Variants in FHIT observed in about 807,000 individuals in gnomAD.
The protein encoded by FHIT is bis(5'-adenosyl)-triphosphatase.
FHIT carries 19 observed loss-of-function variants against 17.9 expected under a neutral mutation model. The ratio of observed to expected loss-of-function variants is 1.06; its 90% CI spans 0.74 to 1.56. The LOEUF is 1.56. Ranked by LOEUF, FHIT falls within the 40% of genes most tolerant of loss-of-function variation. FHIT has a pLI of 0.00. For synonymous variants in FHIT, 81 were observed against 69.7 expected (o/e 1.16, Z -0.81); for missense variants, 248 against 189.2 (o/e 1.31, Z -1.82).
chr3:61,146,147 A>G (rs753839211), intron 2 of FHIT, among the ~76,000 whole-genome samples: 1 of 152,022 alleles, frequency 6.6e-6, no homozygotes, highest in Non-Finnish European at 1.5e-5. Flanking sequence ...AATCCTTTCT[A>G]TTTCTAGTGG....
intron 3 of FHIT, among the ~76,000 whole-genome samples, chr3:60,822,595 T>G (rs1701965934): frequency 6.6e-6 from 1 of 152,230 alleles, no homozygotes; most frequent in African/African-American, 2.4e-5. Context: ...TTCTGTATCC[T>G]ATGTAGCTGC....
intron 4 of FHIT, among the ~76,000 whole-genome samples, chr3:60,759,807 T>C (rs1328731418): frequency 6.6e-6 from 1 of 152,144 alleles, no homozygotes; most frequent in Admixed American, 6.5e-5. Context: ...GGGATGAAAG[T>C]GGGATGGAGA....
At chr3:60,372,319 C>G (rs1258641750) in intron 5 of FHIT, among the ~76,000 whole-genome samples, 1 of 152,174 alleles carries the variant, frequency 6.6e-6, no homozygotes, top group Admixed American at 6.5e-5. Flanking sequence ...CACCACCACC[C>G]TCTTTTCTTT....
intron 5 of FHIT, among the ~76,000 whole-genome samples, chr3:60,116,024 T>C (rs1704942093): frequency 6.6e-6 from 1 of 152,194 alleles, no homozygotes; most frequent in South Asian, 2.1e-4. Context: ...CTTTAATAAA[T>C]TGGAAGTGTA....
rs539422188 is a variant in FHIT, at chr3:60,925,999, A to G, written c.-110-103988T>C. ...GGTAAAGGGATCAATTCAACAAGAA[A>G]AGCTAACTACCCTAAATATATATGC... On this transcript the variant is annotated intron_variant, in intron 3 of 9. Transcript: ENST00000492590. Among the ~76,000 whole-genome samples the G allele has an allele frequency of 1.2e-4, 19 of 152,286 alleles. No homozygotes were observed. The South Asian group carries it at 2.1e-3, about 17-fold the overall frequency.
At chr3:60,381,544 T>C (rs547300544) in intron 5 of FHIT, among the ~76,000 whole-genome samples, 4 of 151,618 alleles carry the variant, frequency 2.6e-5, no homozygotes, top group South Asian at 2.1e-4. Context: ...AAAAAGCACA[T>C]ATAAAGCTGT....
At chr3:60,753,209 A>G (rs1245053776) in intron 4 of FHIT, among the ~76,000 whole-genome samples, 7 of 152,210 alleles carry the variant, frequency 4.6e-5, no homozygotes, top group African/African-American at 7.2e-5. Context: ...TTCCTTCACC[A>G]TAAAGGAAAT....
intron 5 of FHIT, among the ~76,000 whole-genome samples, chr3:60,266,377 T>C (rs1706576249): frequency 6.6e-6 from 1 of 152,006 alleles, no homozygotes; most frequent in East Asian, 1.9e-4. Flanking sequence ...GGAATCATAA[T>C]GCCCAGGGCC....
intron 5 of FHIT, among the ~76,000 whole-genome samples, chr3:60,525,582 TTAA>T (rs2035542770): frequency 6.6e-6 from 1 of 152,220 alleles, no homozygotes; most frequent in South Asian, 2.1e-4. Context: ...TTCTGGCTCT[TTAA>T]TAATATCTTG....
rs1295929146 is a variant in FHIT, at chr3:59,757,477, A to G, written c.349-5156T>C. ...CACTGAGTGTGTTATCACAAGGTAT[A>G]TGGGGTAATGATGAATTCCCTGCTG... On this transcript the variant is annotated intron_variant, in intron 8 of 9. Transcript: ENST00000492590. Among the ~76,000 whole-genome samples, 3 of 146,154 alleles carry G rather than the reference A, an allele frequency of 2.1e-5. No homozygotes were observed. In the Admixed American group the frequency reaches 2.1e-4, roughly 10 times the overall value.
intron 7 of FHIT, among the ~76,000 whole-genome samples, chr3:59,992,146 G>C (rs921383257): frequency 6.6e-6 from 1 of 151,868 alleles, no homozygotes; most frequent in Non-Finnish European, 1.5e-5. Flanking sequence ...ATGAAGCCCA[G>C]AGCCCAAGAC....
intron 4 of FHIT, among the ~76,000 whole-genome samples, chr3:60,691,510 C>A (rs1456713402): frequency 6.6e-6 from 1 of 152,012 alleles, no homozygotes. Context: ...GCTGGGACTG[C>A]AGGTGTGTGC....
intron 5 of FHIT, among the ~76,000 whole-genome samples, chr3:60,067,155 T>C (rs947635354): frequency 6.6e-6 from 1 of 152,172 alleles, no homozygotes; most frequent in Non-Finnish European, 1.5e-5. Context: ...TGAGTCTCTA[T>C]TCCTTTGCTC....
chr3:60,410,167 TAGAG>T (rs1353055087), intron 5 of FHIT, among the ~76,000 whole-genome samples: 7 of 152,302 alleles, frequency 4.6e-5, no homozygotes, highest in African/African-American at 1.7e-4. Flanking sequence ...TGGCTGCATC[TAGAG>T]AGAGGCAAGG....
chr3:59,979,696 G>A (rs1261013742), intron 7 of FHIT, among the ~76,000 whole-genome samples: 4 of 152,066 alleles, frequency 2.6e-5, no homozygotes, highest in African/African-American at 9.7e-5. Flanking sequence ...TGGTGGGGCT[G>A]TGGTGCTTTA....
intron 3 of FHIT, among the ~76,000 whole-genome samples, chr3:60,924,019 C>A (rs1707437348): frequency 1.3e-5 from 2 of 152,154 alleles, no homozygotes; most frequent in South Asian, 4.1e-4. Context: ...GGAGGGGCCC[C>A]TGCCATTGCC....
chr3:59,992,082 G>T (rs962083233), intron 7 of FHIT, among the ~76,000 whole-genome samples: 3 of 152,004 alleles, frequency 2.0e-5, no homozygotes, highest in Non-Finnish European at 4.4e-5. Flanking sequence ...AGAAAACAAT[G>T]AAAGATTTGT....
In FHIT at chr3:59,914,446, G is replaced by A. The variant is rs187678321; in HGVS notation, c.348+7900C>T. On this transcript the variant is annotated intron_variant, in intron 8 of 9. Coordinates refer to ENST00000492590, the MANE Select transcript of FHIT (RefSeq NM_002012.4). ...CTTGGAGGCCTTAGGATTCCTTCCT[G>A]CTGGCATGTGGCACATGAATGAACC... Among the ~76,000 whole-genome samples, 6 of 152,248 alleles carry A rather than the reference G, an allele frequency of 3.9e-5. No individual in the cohort carries two copies. The East Asian group carries it at 1.2e-3, about 29-fold the overall frequency.
intron 7 of FHIT, among the ~76,000 whole-genome samples, chr3:59,939,864 T>C (rs969502821): frequency 6.6e-6 from 1 of 152,148 alleles, no homozygotes; most frequent in Non-Finnish European, 1.5e-5. Flanking sequence ...GTTGAGTTAA[T>C]GAGACATCCT....
Sources: gnomAD v4.1 joint callset for allele counts (sites outside exome capture counted in the v4.1 genomes callset) on GRCh38, gnomAD v4.1.1 for gene constraint, MANE v1.5 for transcripts, NCBI Gene and HGNC (gene_info 2026-07-23, HGNC 2026-07-21) for gene names.